KDM5B: variants seen among roughly 807,000 people sequenced by gnomAD.
The protein encoded by KDM5B is lysine demethylase 5B.
KDM5B carries 144 observed loss-of-function variants against 193.4 expected under a neutral mutation model. The observed-to-expected ratio is 0.74, with a 90% CI of 0.65 to 0.86. The LOEUF is 0.86. Among genes scored for constraint, KDM5B ranks in the 40% least tolerant of loss-of-function variants. The pLI, the probability that KDM5B is intolerant of heterozygous loss-of-function variation, is 0.00. For missense variants in KDM5B, 1,833 were observed against 1,886.9 expected (o/e 0.97, Z 0.53); for synonymous variants, 668 against 682.6 (o/e 0.98, Z 0.33).
chr1:202,759,350 G>C (rs545052362), intron 8 of KDM5B, among the ~76,000 whole-genome samples: 1 of 152,100 alleles, frequency 6.6e-6, no homozygotes, highest in South Asian at 2.1e-4. Context: ...GACCAGCATG[G>C]ACAACGTGGC....
chr1:202,772,138 C>T (rs4245711), intron 4 of KDM5B, among the ~76,000 whole-genome samples: 93,127 of 151,908 alleles, frequency 0.61, 31,439 homozygotes, highest in Middle Eastern at 0.77. Context: ...TCTCTTCCTA[C>T]CTCTCTACAG....
At chr1:202,761,428 A>T (rs1656245923) in intron 7 of KDM5B, among the ~76,000 whole-genome samples, 1 of 152,196 alleles carries the variant, frequency 6.6e-6, no homozygotes, top group African/African-American at 2.4e-5. Flanking sequence ...ATCTCTAAAA[A>T]AATAAAAATA....
intron 4 of KDM5B, among the ~76,000 whole-genome samples, chr1:202,770,727 T>C (rs1441541910): frequency 6.6e-6 from 1 of 152,212 alleles, no homozygotes; most frequent in African/African-American, 2.4e-5. Context: ...ACAGTACACT[T>C]GAATTTGTGA....
chr1:202,766,349 A>C (rs1558501103), intron 5 of KDM5B: 3 of 313,134 alleles, frequency 9.6e-6, no homozygotes, highest in Non-Finnish European at 1.2e-5. Flanking sequence ...CTAAAAATAC[A>C]AACCAAATTA....
chr1:202,756,678 G>A (rs1441605803), intron 9 of KDM5B, among the ~76,000 whole-genome samples, 162 bp from the exon 10 acceptor site: 1 of 152,108 alleles, frequency 6.6e-6, no homozygotes, highest in Non-Finnish European at 1.5e-5. Flanking sequence ...CTGTCTAAAA[G>A]GAATTTATGT....
intron 3 of KDM5B, 60 bp downstream of exon 3, chr1:202,774,553 G>A (rs1656858682): frequency 6.6e-7 from 1 of 1,510,240 alleles, no homozygotes; most frequent in South Asian, 1.2e-5. Context: ...AGGCAAAGAA[G>A]ATCAAATTCA....
At chr1:202,759,039 C>A (rs1199126679) in intron 8 of KDM5B, 1 of 152,392 alleles carries the variant, frequency 6.6e-6, no homozygotes. Context: ...TTGATAAGGT[C>A]ATCCCTATTA....
chr1:202,767,509 T>C (rs1656522285), intron 4 of KDM5B: 2 of 719,472 alleles, frequency 2.8e-6, no homozygotes, highest in Non-Finnish European at 4.9e-6. Flanking sequence ...CACGACCTTG[T>C]TCCCCGGTGT....
intron 1 of KDM5B, among the ~76,000 whole-genome samples, chr1:202,804,704 CAAAG>C (rs1300219148): frequency 5.9e-5 from 9 of 151,962 alleles, no homozygotes; most frequent in African/African-American, 1.9e-4. Flanking sequence ...TCTCCGGACA[CAAAG>C]AAGAAATCTG....
chr1:202,782,194 C>T (rs557357434), intron 1 of KDM5B, among the ~76,000 whole-genome samples: 1 of 152,204 alleles, frequency 6.6e-6, no homozygotes, highest in Admixed American at 6.5e-5. Flanking sequence ...GTCATCTCTT[C>T]TGGTTATAAA....
At chr1:202,798,300 C>CTTT (rs34994129) in intron 1 of KDM5B, among the ~76,000 whole-genome samples, 5 of 131,378 alleles carry the variant, frequency 3.8e-5, no homozygotes, top group African/African-American at 1.4e-4. Context: ...TGGTTTTTGT[C>CTTT]TTTTTTTTTT....
At chr1:202,731,803 C>G (rs1654891727) in intron 24 of KDM5B, 25 bp downstream of exon 24, 1 of 1,471,798 alleles carries the variant, frequency 6.8e-7, no homozygotes, top group African/African-American at 1.4e-5. Flanking sequence ...CTATCCAGCC[C>G]TCAACGTAAT....
chr1:202,746,172 C>A lies in KDM5B; in HGVS notation c.2168G>T (p.Cys723Phe). Reference sequence around the variant, plus strand: ...TTTATATTTGTAAGGAGGACAGGAACACAATTCTTTTACATGATGCAGGCA... The same window carrying A: ...TTTATATTTGTAAGGAGGACAGGAAAACAATTCTTTTACATGATGCAGGCA... ...LVCLHHVKEL[C>F]SCPPYKYKLR... Residue 723 changes from cysteine (C) to phenylalanine (F), a missense_variant, in exon 15 of 27, where the codon TGT (cysteine) becomes TTT (phenylalanine). By Grantham distance (205) the Cys-to-Phe change is radical (BLOSUM62 -2). Around this residue, in one of 3 missense-constraint regions of KDM5B, gnomAD observed 1,379 missense variants for 1,349.6 expected, o/e 1.02. Coordinates refer to ENST00000367265, the MANE Select transcript of KDM5B (RefSeq NM_006618.5). 6.2e-7 allele frequency: 1 copy of A among 1,612,840 alleles called. No homozygotes were observed.
intron 23 of KDM5B, among the ~76,000 whole-genome samples, chr1:202,732,854 C>T (rs750166567): frequency 6.6e-6 from 1 of 152,172 alleles, no homozygotes; most frequent in Non-Finnish European, 1.5e-5. Context: ...GAAAACTCTG[C>T]CCATCCAGTG....
chr1:202,735,671 CA>C, intron 21 of KDM5B, 84 bp from the exon 22 acceptor site: 1 of 1,284,796 alleles, frequency 7.8e-7, no homozygotes, highest in South Asian at 1.3e-5. Context: ...AAAGCCTAAG[CA>C]GTAAAAAGGA....
chr1:202,774,651 C>A lies in KDM5B; in HGVS notation c.367G>T (p.Val123Leu), dbSNP rs1236164717. Residue 123 changes from valine (V) to leucine (L), a missense_variant, in exon 3 of 27, where the codon GTG becomes TTG. By Grantham distance (32) the Val-to-Leu change is conservative (BLOSUM62 1). Transcript: ENST00000367265. ...LQGSTLKIPH[V>L]ERKILDLFQL... Reference sequence around the variant, plus strand: ...AATAAGTCCAAGATCTTCCTCTCCACATGTGGAATTTTCAGAGTACTTCCC... The same window carrying A: ...AATAAGTCCAAGATCTTCCTCTCCAAATGTGGAATTTTCAGAGTACTTCCC... 6.2e-7 allele frequency: 1 copy of A among 1,612,966 alleles called. No homozygotes were observed. The highest frequency in any genetic ancestry group is 1.7e-5 in the Admixed American group (1 of 60,014).
rs34765241 is a variant in KDM5B at position 202,726,403 on chromosome 1, T to C, written c.*2633A>G. The stretch of plus-strand genomic sequence containing the variant: ...CTTTCTCCAGGATAGAGGCTACATA[T>C]AATCAAGCCCTTTATTCTATATAAG... On this transcript the variant is annotated 3_prime_UTR_variant, in exon 27 of 27. Coordinates refer to ENST00000367265, the MANE Select transcript of KDM5B (RefSeq NM_006618.5). 0.18 allele frequency: 28,096 copies of C among 152,062 alleles called. 2,928 individuals carry two copies. The highest frequency in any genetic ancestry group is 0.28 in the Middle Eastern group (82 of 294). 9.4% of individuals were successfully genotyped at this position (152,062 alleles called of 1,614,324 possible). A position where few individuals can be genotyped will look rare whatever the true frequency, so the allele number is the denominator to read the frequency against.
intron 23 of KDM5B, 21 bp from the exon 24 acceptor site, chr1:202,731,960 T>A (rs746643391): frequency 1.3e-6 from 2 of 1,513,188 alleles, no homozygotes; most frequent in African/African-American, 2.8e-5. Flanking sequence ...GAAAACGTTT[T>A]ATAATAAAAT....
chr1:202,772,446 C>A (rs978446291), intron 4 of KDM5B, among the ~76,000 whole-genome samples: 2 of 152,312 alleles, frequency 1.3e-5, no homozygotes, highest in South Asian at 4.1e-4. Flanking sequence ...AAAATCTCAG[C>A]TGGCAGAAGA....
Sources: allele counts gnomAD v4.1 joint callset (sites outside exome capture counted in the v4.1 genomes callset), GRCh38; gene constraint gnomAD v4.1.1; regional missense constraint gnomAD v4.1.1; transcripts MANE v1.5; gene names NCBI Gene and HGNC (gene_info 2026-07-23, HGNC 2026-07-21).